The following GPHN variants were observed in gnomAD, a reference collection of about 807,000 sequenced individuals.
The protein encoded by GPHN is gephyrin.
A neutral mutation model predicts 95.5 loss-of-function variants in GPHN; 17 were observed. The ratio of observed to expected loss-of-function variants is 0.18; its 90% CI spans 0.12 to 0.27. The LOEUF (loss-of-function observed/expected upper bound fraction) is 0.27. Ranked by LOEUF, GPHN falls within the 10% of genes least tolerant of loss-of-function variation. GPHN has a pLI of 1.00. For missense variants in GPHN, 660 were observed against 978.1 expected (o/e 0.67, Z 4.34); for synonymous variants, 320 against 322.5 (o/e 0.99, Z 0.08).
chr14:67,329,436 G>T, the GPHN span, among the ~76,000 whole-genome samples: 1 of 152,124 alleles, frequency 6.6e-6, no homozygotes, highest in South Asian at 2.1e-4. Flanking sequence ...GGGATAATTC[G>T]ACTTCCTCTT....
intron 8 of GPHN, among the ~76,000 whole-genome samples, chr14:66,958,037 C>T (rs996453915): frequency 2.6e-5 from 4 of 152,200 alleles, no homozygotes; most frequent in Admixed American, 2.0e-4. Flanking sequence ...GTGCCCAAAA[C>T]ATTGAGGACC....
chr14:67,195,340 C>G, the GPHN span, among the ~76,000 whole-genome samples: 1 of 152,140 alleles, frequency 6.6e-6, no homozygotes, highest in African/African-American at 2.4e-5. Flanking sequence ...GAATCCACAG[C>G]TACACCTTTT....
chr14:67,642,296 C>G, the GPHN span: 1 of 1,614,136 alleles, frequency 6.2e-7, no homozygotes, highest in East Asian at 2.2e-5. Flanking sequence ...CAACCAGGAA[C>G]TGGCTGAGGT....
intron 5 of GPHN, among the ~76,000 whole-genome samples, chr14:66,911,410 A>T (rs1233992012): frequency 6.6e-6 from 1 of 151,988 alleles, no homozygotes; most frequent in Non-Finnish European, 1.5e-5. Context: ...TTAAATGGGT[A>T]AGTTGTATGG....
Position 66,508,605 on chromosome 14 carries a change from G to A in GPHN, c.64+14G>A. On this transcript the variant is annotated intron_variant, in intron 1 of 22. Transcript: ENST00000478722. Reference sequence around the variant, plus strand: ...GAGTCCTTACAGGTAACCGGGGGAGGAGGTCTGGGACCTATGAGGCTGCTG... The same window carrying A: ...GAGTCCTTACAGGTAACCGGGGGAGAAGGTCTGGGACCTATGAGGCTGCTG... The A allele has an allele frequency of 6.2e-7, 1 of 1,608,338 alleles. No homozygotes were observed. Among genetic ancestry groups the A allele is most frequent in the Non-Finnish European group, 8.5e-7 (1 of 1,174,674 alleles).
At chr14:67,687,641 T>C in the GPHN span, among the ~76,000 whole-genome samples, 9 of 151,812 alleles carry the variant, frequency 5.9e-5, no homozygotes, top group Admixed American at 5.9e-4. Context: ...CCGGCTAATT[T>C]TGTATTTTTA....
At chr14:66,655,568 TC>T (rs2065258100) in intron 1 of GPHN, among the ~76,000 whole-genome samples, 1 of 152,122 alleles carries the variant, frequency 6.6e-6, no homozygotes, top group South Asian at 2.1e-4. Context: ...TCTCCTTCTT[TC>T]CAGTCTGTTT....
At chr14:67,101,651 G>GA (rs956598394) in intron 13 of GPHN, among the ~76,000 whole-genome samples, 2 of 151,242 alleles carry the variant, frequency 1.3e-5, no homozygotes, top group Non-Finnish European at 2.9e-5. Context: ...CTTCAAAGTA[G>GA]AAAAAAACTG....
At chr14:67,216,906 C>T in the GPHN span, among the ~76,000 whole-genome samples, 1 of 152,108 alleles carries the variant, frequency 6.6e-6, no homozygotes, top group Non-Finnish European at 1.5e-5. Context: ...ATGAAATGTT[C>T]TATAAATGTC....
In GPHN at chr14:66,909,026, T is replaced by A. The variant is rs761538574; in HGVS notation, c.390-6977T>A. On this transcript the variant is annotated intron_variant, in intron 5 of 22. Transcript: ENST00000478722. ...GGTATTAAGTACAAAGTAAGAAGCA[T>A]GAATAAACTGTGGGCTTTAGTTAAT... Among the ~76,000 whole-genome samples, 75 of 152,070 alleles carry A rather than the reference T, an allele frequency of 4.9e-4. 1 individual carries two copies. The highest frequency in any genetic ancestry group is 4.1e-3 in the Admixed American group (62 of 15,238).
chr14:67,544,367 C>A, the GPHN span, among the ~76,000 whole-genome samples: 10 of 152,228 alleles, frequency 6.6e-5, no homozygotes, highest in African/African-American at 2.4e-4. Flanking sequence ...CCTGGGGAGC[C>A]TGGTAGGGAC....
the GPHN span, chr14:67,199,579 C>A: frequency 2.1e-5 from 34 of 1,595,416 alleles, no homozygotes; most frequent in Non-Finnish European, 1.7e-6. Context: ...ACCCTATCAC[C>A]GTATCTTATG....
chr14:67,198,412 A>G, the GPHN span: 1 of 1,251,026 alleles, frequency 8.0e-7, no homozygotes, highest in Admixed American at 2.0e-5. Context: ...ATTGTTTTAA[A>G]TGTGCCGAGG....
the GPHN span, chr14:67,392,654 C>CAA: frequency 6.2e-7 from 1 of 1,605,600 alleles, no homozygotes; most frequent in South Asian, 1.1e-5. Context: ...ACCCACTCCC[C>CAA]AACTTACAAA....
In GPHN at chr14:67,132,468, C is replaced by CT. The variant is rs1197764970; in HGVS notation, c.1748+10100dup. The stretch of plus-strand genomic sequence containing the variant: ...GTCAACATAATAGATTTATTTTCTT[C>CT]TTTTTTTTTCTTTTACTCCTAGCAA... On this transcript the variant is annotated intron_variant, in intron 17 of 22. Transcript: ENST00000478722. 5.3e-5 allele frequency among the ~76,000 whole-genome samples: 8 copies of CT among 151,432 alleles called. No homozygotes were observed. In the South Asian group the frequency reaches 8.4e-4, roughly 16 times the overall value.
chr14:66,991,547 C>T (rs923136368), intron 9 of GPHN, among the ~76,000 whole-genome samples: 9 of 151,150 alleles, frequency 6.0e-5, no homozygotes, highest in Non-Finnish European at 1.2e-4. Context: ...CACTTTGTTC[C>T]GATTACCTTG....
chr14:66,879,393 A>G (rs531483499), intron 4 of GPHN, among the ~76,000 whole-genome samples: 1 of 151,924 alleles, frequency 6.6e-6, no homozygotes, highest in Non-Finnish European at 1.5e-5. Context: ...AAAAAAAGAC[A>G]GTTAATTTAC....
chr14:67,108,186 T>G (rs2078156461), intron 13 of GPHN, among the ~76,000 whole-genome samples: 1 of 152,174 alleles, frequency 6.6e-6, no homozygotes, highest in African/African-American at 2.4e-5. Context: ...TACCTGAACC[T>G]GGGAAGATTC....
At chr14:67,005,408 T>C (rs1236738613) in intron 9 of GPHN, among the ~76,000 whole-genome samples, 8 of 151,898 alleles carry the variant, frequency 5.3e-5, no homozygotes, top group African/African-American at 1.9e-4. Flanking sequence ...CTAAGATTTA[T>C]AGAGAACTTG....
Sources: gnomAD v4.1 joint callset for allele counts (sites outside exome capture counted in the v4.1 genomes callset) on GRCh38, gnomAD v4.1.1 for gene constraint, MANE v1.5 for transcripts, NCBI Gene and HGNC (gene_info 2026-07-23, HGNC 2026-07-21) for gene names.